Variants in COL25A1 observed in about 807,000 individuals in gnomAD.
COL25A1 encodes the protein collagen alpha-1(XXV) chain.
A neutral mutation model predicts 128.4 loss-of-function variants in COL25A1; 103 were observed. The observed-to-expected ratio is 0.80, with a 90% CI of 0.68 to 0.94. The LOEUF (loss-of-function observed/expected upper bound fraction) is 0.94. Among genes scored for constraint, COL25A1 ranks in the 40% least tolerant of loss-of-function variants. The pLI, the probability that COL25A1 is intolerant of heterozygous loss-of-function variation, is 0.00. For missense variants in COL25A1, 745 were observed against 840.0 expected, an observed-to-expected ratio of 0.89 and a Z score of 1.40; for synonymous variants, 279 against 277.2, an observed-to-expected ratio of 1.01 and a Z score of -0.06.
chr4:109,270,861 G>T (rs1782145157), intron 3 of COL25A1, among the ~76,000 whole-genome samples: 1 of 152,122 alleles, frequency 6.6e-6, no homozygotes, highest in Non-Finnish European at 1.5e-5. Flanking sequence ...CTAATATCTT[G>T]CCAGCATAAT....
chr4:108,903,338 T>C (rs1009750641), intron 13 of COL25A1, among the ~76,000 whole-genome samples: 4 of 152,054 alleles, frequency 2.6e-5, no homozygotes, highest in Admixed American at 1.3e-4. Context: ...TATGGTTACA[T>C]AGTTTCAAGC....
In COL25A1 at chr4:108,832,401, A is replaced by G. The variant is rs1340456398; in HGVS notation, c.1689T>C (p.Pro563=). Residue 563 remains proline (P), a synonymous_variant, in exon 32 of 38, where the codon CCT becomes CCC. Transcript: ENST00000399132. ...GTDGPMGPHG[P]AGPKGERGEK... The stretch of plus-strand genomic sequence containing the variant: ...TTACTCTTTCTCCTTTGGGACCTGC[A>G]GGGCCATGGGGTCCCATAGGACCAT... 6.2e-7 allele frequency: 1 copy of G among 1,611,314 alleles called. No homozygotes were observed. The highest frequency in any genetic ancestry group is 8.5e-7 in the Non-Finnish European group (1 of 1,178,412).
chr4:108,843,469 C>A (rs1019124845), intron 30 of COL25A1, among the ~76,000 whole-genome samples: 5 of 148,114 alleles, frequency 3.4e-5, no homozygotes, highest in East Asian at 1.9e-4. Context: ...GCATTTGAAG[C>A]ATTCTGCCTT....
intron 5 of COL25A1, among the ~76,000 whole-genome samples, chr4:109,046,761 G>T (rs965101817): frequency 4.5e-4 from 68 of 152,168 alleles, no homozygotes; most frequent in African/African-American, 1.6e-3. Flanking sequence ...ATAAGTACAC[G>T]CTAAGCCCCT....
intron 3 of COL25A1, among the ~76,000 whole-genome samples, chr4:109,146,756 T>C (rs2126094825): frequency 6.6e-6 from 1 of 152,338 alleles, no homozygotes; most frequent in Admixed American, 6.5e-5. Context: ...AGAAGTGTGT[T>C]TCCACTCTTG....
At chr4:108,907,194 G>A (rs1389099491) in intron 13 of COL25A1, among the ~76,000 whole-genome samples, 5 of 152,156 alleles carry the variant, frequency 3.3e-5, no homozygotes, top group Non-Finnish European at 7.3e-5. Context: ...TAGAAGAGGA[G>A]TCTGTGAAGG....
chr4:108,838,492 T>C (rs765059781), intron 31 of COL25A1, among the ~76,000 whole-genome samples: 3 of 151,844 alleles, frequency 2.0e-5, no homozygotes, highest in Non-Finnish European at 4.4e-5. Context: ...TATGATCAAA[T>C]AATTCAAAGA....
At chr4:108,942,194 G>A in intron 8 of COL25A1, 1 of 1,549,958 alleles carries the variant, frequency 6.5e-7, no homozygotes, top group Non-Finnish European at 8.7e-7. Flanking sequence ...GCAGGCATGA[G>A]TGACAACCAC....
chr4:109,176,385 C>A (rs1208533435), intron 3 of COL25A1, among the ~76,000 whole-genome samples: 1 of 151,942 alleles, frequency 6.6e-6, no homozygotes, highest in African/African-American at 2.4e-5. Flanking sequence ...TGAGACTCTG[C>A]CTCAAAAGAA....
intron 12 of COL25A1, among the ~76,000 whole-genome samples, chr4:108,919,769 T>A (rs896352518): frequency 2.1e-4 from 31 of 150,114 alleles, no homozygotes; most frequent in South Asian, 8.5e-4. Flanking sequence ...AAAAAAAAAA[T>A]TTTTTTTTTG....
At chr4:108,840,447 G>A (rs1734315429) in intron 31 of COL25A1, among the ~76,000 whole-genome samples, 1 of 152,016 alleles carries the variant, frequency 6.6e-6, no homozygotes, top group African/African-American at 2.4e-5. Context: ...TTACTGGAAG[G>A]TAAGGTAGTC....
intron 3 of COL25A1, among the ~76,000 whole-genome samples, chr4:109,266,971 C>T (rs1024934934): frequency 6.6e-6 from 1 of 152,094 alleles, no homozygotes; most frequent in Admixed American, 6.6e-5. Flanking sequence ...TTAAAACAGG[C>T]AACATTAAGA....
chr4:109,032,040 A>G (rs1398782153), intron 5 of COL25A1, among the ~76,000 whole-genome samples: 1 of 152,126 alleles, frequency 6.6e-6, no homozygotes, highest in African/African-American at 2.4e-5. Flanking sequence ...AACAGCTAAC[A>G]CTTATGGTGT....
chr4:108,878,867 T>C (rs1739766322), intron 19 of COL25A1, among the ~76,000 whole-genome samples: 1 of 152,214 alleles, frequency 6.6e-6, no homozygotes, highest in South Asian at 2.1e-4. Flanking sequence ...ATTATTCAAC[T>C]TCTCAGATGA....
intron 3 of COL25A1, among the ~76,000 whole-genome samples, chr4:109,099,725 GA>G (rs1427804714): frequency 2.0e-5 from 3 of 150,930 alleles, no homozygotes; most frequent in Non-Finnish European, 4.4e-5. Context: ...ATAACTAGGA[GA>G]AAAAATAAAT....
Position 109,301,629 on chromosome 4 carries a change from G to T in COL25A1, c.297+94C>A, listed in dbSNP as rs1725539983. ...GCGCGCACACACACAGCCACACCAAGTATGGGTACAGTAAGGGTAGCGGCT... is the reference window on the plus strand; with the variant it reads ...GCGCGCACACACACAGCCACACCAATTATGGGTACAGTAAGGGTAGCGGCT... On this transcript the variant is annotated intron_variant, in intron 2 of 37. Coordinates refer to ENST00000399132, the MANE Select transcript of COL25A1 (RefSeq NM_198721.4). 7.0e-6 allele frequency: 10 copies of T among 1,419,292 alleles called. No individual in the cohort carries two copies. The Admixed American group carries it at 1.5e-4, about 22-fold the overall frequency. 87.9% of individuals were successfully genotyped at this position (1,419,292 alleles called of 1,614,324 possible).
chr4:108,878,937 G>A (rs1114764), intron 19 of COL25A1, among the ~76,000 whole-genome samples: 82,851 of 151,940 alleles, frequency 0.55, 23,804 homozygotes, highest in East Asian at 1. Flanking sequence ...TCGTTTAACC[G>A]GTACTCCATT....
intron 3 of COL25A1, among the ~76,000 whole-genome samples, chr4:109,169,233 T>C (rs1211115385): frequency 6.6e-6 from 1 of 152,190 alleles, no homozygotes; most frequent in Non-Finnish European, 1.5e-5. Context: ...TAAATCCTTC[T>C]GTACATACAA....
chr4:108,879,972 C>T (rs1042739626), intron 19 of COL25A1, among the ~76,000 whole-genome samples: 1 of 149,764 alleles, frequency 6.7e-6, no homozygotes, highest in African/African-American at 2.5e-5. Flanking sequence ...CCACGCCCAG[C>T]TAATTTTTGT....
Sources: gnomAD v4.1 joint callset for allele counts (sites outside exome capture counted in the v4.1 genomes callset) on GRCh38, gnomAD v4.1.1 for gene constraint, MANE v1.5 for transcripts, NCBI Gene and HGNC (gene_info 2026-07-23, HGNC 2026-07-21) for gene names.